The following GALNT10 variants were observed in gnomAD, a reference collection of about 807,000 sequenced individuals.
GALNT10 encodes the protein polypeptide N-acetylgalactosaminyltransferase 10, also known as GalNAc transferase 10.
A neutral mutation model predicts 75.0 loss-of-function variants in GALNT10; 41 were observed. That is an observed-to-expected ratio of 0.55 (90% CI 0.43 to 0.71). The LOEUF (loss-of-function observed/expected upper bound fraction) is 0.71. Among genes scored for constraint, GALNT10 ranks in the 30% least tolerant of loss-of-function variants. The pLI, the probability that GALNT10 is intolerant of heterozygous loss-of-function variation, is 0.00. For missense variants in GALNT10, 727 were observed against 818.5 expected, an observed-to-expected ratio of 0.89 and a Z score of 1.36; for synonymous variants, 302 against 313.0, an observed-to-expected ratio of 0.96 and a Z score of 0.37.
chr5:154,197,707 T>G (rs1306131957), intron 1 of GALNT10, among the ~76,000 whole-genome samples: 2 of 152,144 alleles, frequency 1.3e-5, no homozygotes, highest in Non-Finnish European at 2.9e-5. Flanking sequence ...TGGCTGATAA[T>G]GAGGTTGATA....
At chr5:154,333,567 C>A (rs1040649883) in intron 4 of GALNT10, among the ~76,000 whole-genome samples, 1 of 152,138 alleles carries the variant, frequency 6.6e-6, no homozygotes, top group Non-Finnish European at 1.5e-5. Flanking sequence ...CCCCCTCCCC[C>A]ACCAGTAAAG....
At position 154,412,751 on chromosome 5, in the gene GALNT10, C is replaced by A; in HGVS notation, c.1387-138C>A. ...GAGGCTCAAGGTACTTCCAACAGCC[C>A]AGGGCAAGCTTTATCAAGACGATTT... On this transcript the variant is annotated intron_variant, in intron 9 of 11. Transcript: ENST00000297107. This position sits in a 1 kb window ranked among gnomAD's most constrained non-coding sequence, Gnocchi z 4.2. 1.4e-6 allele frequency: 1 copy of A among 725,238 alleles called. No homozygotes were observed. The highest frequency in any genetic ancestry group is 2.5e-6 in the Non-Finnish European group (1 of 400,824). 44.9% of individuals were successfully genotyped at this position (725,238 alleles called of 1,614,324 possible).
At chr5:154,249,550 G>A (rs1418501483) in intron 1 of GALNT10, among the ~76,000 whole-genome samples, 1 of 152,022 alleles carries the variant, frequency 6.6e-6, no homozygotes, top group East Asian at 1.9e-4. Context: ...GTAAGACCAA[G>A]GCCAACTCCA....
At chr5:154,400,116 T>A (rs1173291385) in intron 7 of GALNT10, among the ~76,000 whole-genome samples, 1 of 152,144 alleles carries the variant, frequency 6.6e-6, no homozygotes, top group African/African-American at 2.4e-5. Context: ...CTAGCCTGTG[T>A]GACAGAGGGA....
intron 7 of GALNT10, chr5:154,387,547 A>C (rs566287521): frequency 6.6e-6 from 1 of 152,354 alleles, no homozygotes; most frequent in Admixed American, 6.5e-5. Flanking sequence ...TTGGTGCCAG[A>C]GTGCCACGAT....
At chr5:154,245,700 G>A (rs531572096) in intron 1 of GALNT10, among the ~76,000 whole-genome samples, 16 of 152,002 alleles carry the variant, frequency 1.1e-4, no homozygotes, top group African/African-American at 3.6e-4. Context: ...AAGAGGATGT[G>A]TATGATTAAT....
intron 3 of GALNT10, among the ~76,000 whole-genome samples, chr5:154,312,583 A>G (rs1004525735): frequency 6.6e-6 from 1 of 152,200 alleles, no homozygotes. Context: ...GATATTTCTA[A>G]TAGCTGTGTA....
intron 4 of GALNT10, among the ~76,000 whole-genome samples, chr5:154,339,838 G>T (rs967607243): frequency 6.6e-6 from 1 of 152,118 alleles, no homozygotes; most frequent in Non-Finnish European, 1.5e-5. Context: ...CATAGTGTGG[G>T]GGAGTAAAAG....
intron 1 of GALNT10, among the ~76,000 whole-genome samples, chr5:154,195,621 AG>A (rs900737283): frequency 4.4e-4 from 67 of 152,376 alleles, no homozygotes; most frequent in African/African-American, 1.4e-3. Flanking sequence ...CTCAATTTGT[AG>A]GTATGAAAAC....
intron 4 of GALNT10, among the ~76,000 whole-genome samples, chr5:154,358,766 G>A (rs577181487): frequency 1.3e-5 from 2 of 152,266 alleles, no homozygotes; most frequent in East Asian, 1.9e-4. Context: ...CAGACACGAC[G>A]CTGAGGGCCA....
intron 4 of GALNT10, among the ~76,000 whole-genome samples, chr5:154,331,779 CA>C (rs61560403): frequency 0.11 from 16,203 of 152,142 alleles, 1,139 homozygotes; most frequent in African/African-American, 0.2. Context: ...AAACACTGAG[CA>C]AACAGTCTCT....
intron 1 of GALNT10, among the ~76,000 whole-genome samples, chr5:154,246,457 C>T (rs1160174844): frequency 6.6e-6 from 1 of 152,202 alleles, no homozygotes; most frequent in Non-Finnish European, 1.5e-5. Context: ...TCTCCACATC[C>T]TCTCCAGCAC....
At chr5:154,230,685 C>T (rs977877704) in intron 1 of GALNT10, among the ~76,000 whole-genome samples, 1 of 152,248 alleles carries the variant, frequency 6.6e-6, no homozygotes, top group African/African-American at 2.4e-5. Context: ...CATCCCTGGG[C>T]TCAAGATGTG....
At chr5:154,338,175 C>A (rs1426216461) in intron 4 of GALNT10, 1 of 781,922 alleles carries the variant, frequency 1.3e-6, no homozygotes, top group Non-Finnish European at 2.3e-6. Flanking sequence ...CTCTTTGGTT[C>A]TGCAACTCTT....
rs183497174 is a variant in GALNT10, at chr5:154,246,083, T to A, written c.160-48733T>A. On this transcript the variant is annotated intron_variant, in intron 1 of 11. Coordinates refer to ENST00000297107, the MANE Select transcript of GALNT10 (RefSeq NM_198321.4). ...GTTTTTTTTTTTGTCCTTGCGATAG[T>A]TTGCTGAGAATGATGGTTTCCAGTT... Among the ~76,000 whole-genome samples, 1,292 of 152,052 alleles carry A rather than the reference T, an allele frequency of 8.5e-3. 16 individuals are homozygous for A. Among genetic ancestry groups the A allele is most frequent in the African/African-American group, 0.029 (1,219 of 41,420 alleles).
At chr5:154,213,850 T>G (rs1752819802) in intron 1 of GALNT10, among the ~76,000 whole-genome samples, 1 of 152,186 alleles carries the variant, frequency 6.6e-6, no homozygotes, top group South Asian at 2.1e-4. Flanking sequence ...CCCAAAATGT[T>G]AGGATTACAG....
intron 4 of GALNT10, among the ~76,000 whole-genome samples, chr5:154,334,458 G>A (rs538327028): frequency 6.6e-6 from 1 of 152,224 alleles, no homozygotes; most frequent in African/African-American, 2.4e-5. Flanking sequence ...TGGCAGACCT[G>A]TCCCCGGGTT....
chr5:154,368,835 G>A (rs553120407), intron 4 of GALNT10, among the ~76,000 whole-genome samples: 2 of 152,268 alleles, frequency 1.3e-5, no homozygotes, highest in South Asian at 2.1e-4. Context: ...TTCAAGCAAG[G>A]GAAAGCCTTA....
intron 1 of GALNT10, among the ~76,000 whole-genome samples, chr5:154,216,762 G>A (rs1183343037): frequency 6.6e-6 from 1 of 152,046 alleles, no homozygotes; most frequent in Non-Finnish European, 1.5e-5. Context: ...TTATTAAATT[G>A]TACTCCAGGT....
Sources: allele counts gnomAD v4.1 joint callset (sites outside exome capture counted in the v4.1 genomes callset), GRCh38; gene constraint gnomAD v4.1.1; non-coding constraint Gnocchi (gnomAD v3.1); transcripts MANE v1.5; gene names NCBI Gene and HGNC (gene_info 2026-07-23, HGNC 2026-07-21).